GRK5: variants seen among roughly 807,000 people sequenced by gnomAD.
GRK5 encodes the protein G protein-coupled receptor kinase 5, also known as g protein-coupled receptor kinase GRK5.
A neutral mutation model predicts 78.4 loss-of-function variants in GRK5; 40 were observed. The observed-to-expected ratio is 0.51, with a 90% CI of 0.40 to 0.66. GRK5 has a LOEUF of 0.66. Ranked by LOEUF, GRK5 falls within the 30% of genes least tolerant of loss-of-function variation. The pLI, the probability that GRK5 is intolerant of heterozygous loss-of-function variation, is 0.00. For missense variants in GRK5, 598 were observed against 759.9 expected (o/e 0.79, Z 2.50); for synonymous variants, 289 against 296.8 (o/e 0.97, Z 0.27).
rs546750582 is a variant in GRK5, at chr10:119,415,063, C to G, written c.340-8103C>G. Among the ~76,000 whole-genome samples the G allele has an allele frequency of 3.5e-4, 41 of 115,716 alleles. 1 individual carries two copies. The South Asian group carries it at 0.011, about 31-fold the overall frequency. The allele number at this position is 115,716 out of a possible 152,430, so 75.9% of individuals were successfully genotyped here. ...TGCCACTGCACTCCAGCCTGGGTGA[C>G]AGAGTGAGACTCTGTCTCAAAAAAA... On this transcript the variant is annotated intron_variant, in intron 4 of 15. Coordinates refer to ENST00000392870, the MANE Select transcript of GRK5 (RefSeq NM_005308.3).
chr10:119,422,754 C>G (rs986861542), intron 4 of GRK5, among the ~76,000 whole-genome samples: 10 of 152,260 alleles, frequency 6.6e-5, no homozygotes, highest in African/African-American at 2.4e-4. Flanking sequence ...TCACGCTGCA[C>G]AGCCCCTTAT....
intron 13 of GRK5, among the ~76,000 whole-genome samples, chr10:119,451,305 A>G (rs1276035486): frequency 1.3e-5 from 2 of 152,006 alleles, no homozygotes; most frequent in Admixed American, 6.6e-5. Context: ...AATAATAGCC[A>G]TGAAAGAGGG....
intron 2 of GRK5, among the ~76,000 whole-genome samples, chr10:119,347,379 G>A (rs1307631574): frequency 6.6e-6 from 1 of 151,942 alleles, no homozygotes; most frequent in East Asian, 1.9e-4. Flanking sequence ...TTGTGCCCAT[G>A]TGTGTTTGCG....
At chr10:119,296,219 G>T (rs557858411) in intron 1 of GRK5, among the ~76,000 whole-genome samples, 1 of 152,184 alleles carries the variant, frequency 6.6e-6, no homozygotes, top group African/African-American at 2.4e-5. Context: ...AGTTCCAGGC[G>T]TCACGTCTAG....
chr10:119,222,282 G>A (rs1848666632), intron 1 of GRK5, among the ~76,000 whole-genome samples: 1 of 150,736 alleles, frequency 6.6e-6, no homozygotes, highest in African/African-American at 2.4e-5. Context: ...ATTCTAGGGA[G>A]CCATTGTTCC....
At position 119,458,569 on chromosome 10, in the gene GRK5, A is replaced by G. The variant is rs79345645; in HGVS notation, c.*3502A>G. ...CAGACACAGCTGTGAGGCCTGGGTC[A>G]TACACATACCAGCAAGCAGCTGCCG... On this transcript the variant is annotated 3_prime_UTR_variant, in exon 16 of 16. Transcript: ENST00000392870. The G allele has an allele frequency of 0.021, 3,245 of 152,396 alleles. 64 individuals are homozygous for G. Among genetic ancestry groups the G allele is most frequent in the Non-Finnish European group, 0.035 (2,409 of 68,094 alleles). The allele number at this position is 152,396 out of a possible 1,614,324, so 9.4% of individuals were successfully genotyped here.
At position 119,453,173 on chromosome 10, in the gene GRK5, T is replaced by G. The variant is rs772291983; in HGVS notation, c.1571T>G (p.Leu524Arg). Residue 524 changes from leucine to arginine, a missense_variant, in exon 15 of 16, where the codon CTG becomes CGG. By Grantham distance (102) the Leu-to-Arg change is moderately radical (BLOSUM62 -2). Transcript: ENST00000392870. ...ATAGAAACAGAATGCTTTAAGGAGC[T>G]GAACGTGTTTGGACCTAATGGTACC... is the stretch of plus-strand genomic sequence containing the variant. ...EMIETECFKE[L>R]NVFGPNGTLP... The G allele has an allele frequency of 1.3e-6, 2 of 1,561,496 alleles. No individual in the cohort carries two copies. The highest frequency in any genetic ancestry group is 3.3e-5 in the Admixed American group (2 of 59,954).
intron 3 of GRK5, among the ~76,000 whole-genome samples, chr10:119,389,638 G>T (rs145025325): frequency 6.6e-5 from 10 of 152,352 alleles, no homozygotes; most frequent in East Asian, 1.9e-4. Flanking sequence ...GCAGGAGGGG[G>T]TCTGTGAGCC....
In GRK5 at chr10:119,442,190, T is replaced by C. The variant is rs1477130089; in HGVS notation, c.1057+102T>C. The C allele has an allele frequency of 4.5e-6, 4 of 879,192 alleles. No homozygotes were observed. The African/African-American group carries it at 4.9e-5, about 11-fold the overall frequency. 54.5% of individuals were successfully genotyped at this position (879,192 alleles called of 1,614,324 possible). ...GCCCGCAGAGCCTCTCGCCTCTTCA[T>C]GCACTGCTGATCACACACAGAGTCA... is the stretch of plus-strand genomic sequence containing the variant. On this transcript the variant is annotated intron_variant, in intron 11 of 15. Coordinates refer to ENST00000392870, the MANE Select transcript of GRK5 (RefSeq NM_005308.3).
At chr10:119,421,449 G>A (rs893886682) in intron 4 of GRK5, among the ~76,000 whole-genome samples, 6 of 152,208 alleles carry the variant, frequency 3.9e-5, no homozygotes, top group African/African-American at 1.4e-4. Flanking sequence ...GCACAAAATG[G>A]CCAAGGTCAG....
chr10:119,332,954 T>G (rs1240352779), intron 2 of GRK5, among the ~76,000 whole-genome samples: 1 of 152,250 alleles, frequency 6.6e-6, no homozygotes, highest in Non-Finnish European at 1.5e-5. Context: ...TTTAATGTTC[T>G]TACCCATAAC....
At chr10:119,429,412 A>C (rs1179221570) in intron 6 of GRK5, among the ~76,000 whole-genome samples, 1 of 151,702 alleles carries the variant, frequency 6.6e-6, no homozygotes, top group African/African-American at 2.4e-5. Context: ...TGAGGAATTT[A>C]GGAGCAGGAG....
At chr10:119,281,466 G>T (rs1056762948) in intron 1 of GRK5, among the ~76,000 whole-genome samples, 7 of 152,144 alleles carry the variant, frequency 4.6e-5, no homozygotes, top group Non-Finnish European at 1.0e-4. Flanking sequence ...AGTGGTGATG[G>T]CTCGTTCATT....
At chr10:119,316,922 G>A (rs979491231) in intron 1 of GRK5, among the ~76,000 whole-genome samples, 1 of 152,124 alleles carries the variant, frequency 6.6e-6, no homozygotes, top group Non-Finnish European at 1.5e-5. Context: ...CTAATCCCAT[G>A]GCTGGTCTCT....
rs1289671234 is a variant in GRK5, at chr10:119,443,594, G to A, written c.1108G>A (p.Gly370Ser). The A allele has an allele frequency of 7.4e-6, 12 of 1,613,456 alleles. No homozygotes were observed. The highest frequency in any genetic ancestry group is 1.0e-5 in the Non-Finnish European group (12 of 1,179,624). The change falls in exon 12 of 16, where the codon GGC becomes AGC. Residue 370 changes from glycine to serine, a missense_variant. Transcript: ENST00000392870. Reference sequence around the variant, plus strand: ...GTACGGCCTGAGCCCCGACTACTGGGGCCTTGGCTGCCTCATCTATGAGAT... The same window carrying A: ...GTACGGCCTGAGCCCCGACTACTGGAGCCTTGGCTGCCTCATCTATGAGAT... ...QRYGLSPDYWGLGCLIYEMIE... is the reference protein window; with the variant it reads ...QRYGLSPDYWSLGCLIYEMIE...
chr10:119,256,158 C>T (rs1439000787), intron 1 of GRK5, among the ~76,000 whole-genome samples: 1 of 152,096 alleles, frequency 6.6e-6, no homozygotes, highest in East Asian at 1.9e-4. Context: ...CCACTGCACA[C>T]TGTCCCAGGA....
chr10:119,292,387 C>T (rs1162390282), intron 1 of GRK5, among the ~76,000 whole-genome samples: 1 of 152,106 alleles, frequency 6.6e-6, no homozygotes, highest in East Asian at 1.9e-4. Context: ...CTCGGCTTCA[C>T]AGGGATAGCC....
intron 4 of GRK5, among the ~76,000 whole-genome samples, chr10:119,409,715 C>T (rs2133868397): frequency 2.6e-5 from 1 of 38,042 alleles, no homozygotes; most frequent in African/African-American, 5.7e-5. Context: ...CTGCCCCCTG[C>T]CCCCCAACCC....
At chr10:119,346,754 G>T (rs1054800864) in intron 2 of GRK5, among the ~76,000 whole-genome samples, 2 of 152,110 alleles carry the variant, frequency 1.3e-5, no homozygotes, top group African/African-American at 4.8e-5. Flanking sequence ...CCTGCTCACC[G>T]GGTCCCCCAG....
Sources: gnomAD v4.1 joint callset for allele counts (sites outside exome capture counted in the v4.1 genomes callset) on GRCh38, gnomAD v4.1.1 for gene constraint, MANE v1.5 for transcripts, NCBI Gene and HGNC (gene_info 2026-07-23, HGNC 2026-07-21) for gene names.